Variants in PAX3 observed in about 807,000 individuals in gnomAD.
PAX3 encodes the protein paired box 3.
PAX3 carries 14 observed loss-of-function variants against 51.6 expected under a neutral mutation model. That is an observed-to-expected ratio of 0.27 (90% CI 0.18 to 0.42). PAX3 has a LOEUF of 0.42. Among genes scored for constraint, PAX3 ranks in the 10% least tolerant of loss-of-function variants. The probability of loss-of-function intolerance (pLI) is 1.00; values close to 1 mark genes in which losing one functional copy is unlikely to be tolerated. For synonymous variants in PAX3, 280 were observed against 253.4 expected (o/e 1.11, Z -1.00); for missense variants, 540 against 642.8 (o/e 0.84, Z 1.73).
intron 4 of PAX3, among the ~76,000 whole-genome samples, chr2:222,259,863 T>G (rs527777591): frequency 6.6e-6 from 1 of 152,262 alleles, no homozygotes; most frequent in African/African-American, 2.4e-5. Context: ...TGAAGTTAGC[T>G]TCATTTAACT....
At chr2:222,271,881 C>T (rs1231100575) in intron 4 of PAX3, among the ~76,000 whole-genome samples, 1 of 152,206 alleles carries the variant, frequency 6.6e-6, no homozygotes, top group Non-Finnish European at 1.5e-5. Context: ...TAAAGCTTAA[C>T]CTGCAAGCTG....
At chr2:222,244,554 C>T (rs889556248) in intron 4 of PAX3, among the ~76,000 whole-genome samples, 1 of 152,038 alleles carries the variant, frequency 6.6e-6, no homozygotes, top group Non-Finnish European at 1.5e-5. Flanking sequence ...TCCTACCAGG[C>T]ATAAGGGAAT....
chr2:222,263,409 T>C (rs1693936351), intron 4 of PAX3: 1 of 152,162 alleles, frequency 6.6e-6, no homozygotes, highest in Non-Finnish European at 1.5e-5. Context: ...AATTAAAACA[T>C]TTAATTAAAA....
intron 7 of PAX3, among the ~76,000 whole-genome samples, chr2:222,215,969 AT>A (rs577373380): frequency 5.0e-4 from 76 of 152,264 alleles, no homozygotes; most frequent in Non-Finnish European, 9.9e-4. Context: ...ATGGTGGAAA[AT>A]TTTGAGGTCA....
chr2:222,294,430 G>A, intron 3 of PAX3, 129 bp from the exon 4 acceptor site: 1 of 972,966 alleles, frequency 1.0e-6, no homozygotes, highest in Non-Finnish European at 1.6e-6. Context: ...CTGCTCGCGG[G>A]TGTCTCCTCC....
chr2:222,206,818 A>G (rs1691529023), intron 7 of PAX3, among the ~76,000 whole-genome samples: 1 of 152,178 alleles, frequency 6.6e-6, no homozygotes, highest in Non-Finnish European at 1.5e-5. Flanking sequence ...TGGTTTTCCC[A>G]TCAGTTGAAA....
At chr2:222,274,892 A>G (rs1224495369) in intron 4 of PAX3, among the ~76,000 whole-genome samples, 6 of 152,122 alleles carry the variant, frequency 3.9e-5, no homozygotes, top group Non-Finnish European at 8.8e-5. Flanking sequence ...ACTTTTTCAA[A>G]CCTGCTAGGA....
intron 7 of PAX3, among the ~76,000 whole-genome samples, chr2:222,212,004 T>C (rs1691754713): frequency 6.6e-6 from 1 of 152,128 alleles, no homozygotes; most frequent in African/African-American, 2.4e-5. Context: ...TCTAGAAGCT[T>C]ATAATCAAAG....
At chr2:222,271,193 G>A (rs916346933) in intron 4 of PAX3, among the ~76,000 whole-genome samples, 47 of 152,270 alleles carry the variant, frequency 3.1e-4, no homozygotes, top group African/African-American at 1.1e-3. Context: ...AGTGAACCAG[G>A]ACAAATCTCT....
At chr2:222,276,287 C>T (rs1357342227) in intron 4 of PAX3, among the ~76,000 whole-genome samples, 3 of 152,200 alleles carry the variant, frequency 2.0e-5, no homozygotes, top group Non-Finnish European at 2.9e-5. Flanking sequence ...CATCTCCCTG[C>T]GTGGAAGAAG....
At chr2:222,280,470 T>A (rs1158421413) in intron 4 of PAX3, among the ~76,000 whole-genome samples, 1 of 151,918 alleles carries the variant, frequency 6.6e-6, no homozygotes, top group Non-Finnish European at 1.5e-5. Flanking sequence ...GTGCAATGGT[T>A]TAGTTTCAAT....
intron 4 of PAX3, among the ~76,000 whole-genome samples, chr2:222,279,304 C>CGTGTGTGTGTGTGTGT (rs57076966): frequency 3.4e-4 from 50 of 148,136 alleles, no homozygotes; most frequent in African/African-American, 1.0e-3. Flanking sequence ...CAAGCCTGTG[C>CGTGTGTGTGTGTGTGT]GTGTGTGTGT....
intron 8 of PAX3, 72 bp downstream of exon 8, chr2:222,201,872 A>G (rs1691305341): frequency 6.2e-7 from 1 of 1,613,204 alleles, no homozygotes; most frequent in African/African-American, 1.3e-5. Context: ...CCTCTAATTC[A>G]CCTTTCTTAA....
At chr2:222,231,014 T>C (rs988286345) in intron 5 of PAX3, among the ~76,000 whole-genome samples, 1 of 152,248 alleles carries the variant, frequency 6.6e-6, no homozygotes, top group African/African-American at 2.4e-5. Context: ...ACTGTCTTAA[T>C]TGATCTTAGC....
chr2:222,250,076 A>G (rs1241639156), intron 4 of PAX3, among the ~76,000 whole-genome samples: 1 of 152,096 alleles, frequency 6.6e-6, no homozygotes, highest in Non-Finnish European at 1.5e-5. Flanking sequence ...CCTACCCTTA[A>G]AGAAATGTCT....
chr2:222,281,323 G>A (rs554535541), intron 4 of PAX3, among the ~76,000 whole-genome samples: 4 of 152,268 alleles, frequency 2.6e-5, no homozygotes, highest in East Asian at 1.9e-4. Flanking sequence ...TGGGAATCAC[G>A]AAACGGAAAA....
chr2:222,256,538 C>G (rs905262106), intron 4 of PAX3, among the ~76,000 whole-genome samples: 6 of 152,058 alleles, frequency 3.9e-5, no homozygotes, highest in Non-Finnish European at 4.4e-5. Context: ...CCAAGTCCCT[C>G]GGCCCCAGAG....
chr2:222,203,012 CAT>C (rs71053057), intron 7 of PAX3, among the ~76,000 whole-genome samples: 1,264 of 40,788 alleles, frequency 0.031, 11 homozygotes, highest in East Asian at 0.041. Context: ...ACAACCATTT[CAT>C]ATATATATAT....
chr2:222,209,829 T>G (rs1691657535), intron 7 of PAX3, among the ~76,000 whole-genome samples: 1 of 148,592 alleles, frequency 6.7e-6, no homozygotes, highest in Non-Finnish European at 1.5e-5. Flanking sequence ...AAGTCAAGGC[T>G]GCAATGAGCC....
Sources: gnomAD v4.1 joint callset for allele counts (sites outside exome capture counted in the v4.1 genomes callset) on GRCh38, gnomAD v4.1.1 for gene constraint, MANE v1.5 for transcripts, NCBI Gene and HGNC (gene_info 2026-07-23, HGNC 2026-07-21) for gene names.